CCDC171: variants seen among roughly 807,000 people sequenced by gnomAD.
CCDC171 encodes coiled-coil domain containing 171.
CCDC171 carries 177 observed loss-of-function variants against 168.2 expected under a neutral mutation model. The observed-to-expected ratio is 1.05, with a 90% CI of 0.93 to 1.19. The LOEUF is 1.19. Ranked by LOEUF, CCDC171 falls within the 50% of genes most tolerant of loss-of-function variation. The pLI is 0.00. For synonymous variants in CCDC171, 687 were observed against 540.8 expected (o/e 1.27, Z -3.75); for missense variants, 1,991 against 1,539.0 (o/e 1.29, Z -4.91).
chr9:15,792,001 G>A (rs937720082), intron 21 of CCDC171, among the ~76,000 whole-genome samples: 10 of 152,158 alleles, frequency 6.6e-5, no homozygotes, highest in African/African-American at 2.4e-4. Flanking sequence ...TGAGAGAGAA[G>A]GCTTCAGATG....
chr9:15,941,882 C>A (rs558260601), intron 25 of CCDC171, among the ~76,000 whole-genome samples: 1 of 152,016 alleles, frequency 6.6e-6, no homozygotes, highest in South Asian at 2.1e-4. Context: ...TTTTTACTTA[C>A]ATTCAGTTTT....
At chr9:15,623,666 C>G (rs973814346) in intron 7 of CCDC171, among the ~76,000 whole-genome samples, 3 of 152,042 alleles carry the variant, frequency 2.0e-5, no homozygotes, top group South Asian at 2.1e-4. Context: ...AATCTGTTCA[C>G]TTTTGAACAA....
Position 16,026,170 on chromosome 9 carries a change from G to T in CCDC171, n.998+3262G>T, listed in dbSNP as rs535805357. On this transcript the variant is annotated intron_variant and non_coding_transcript_variant, in intron 6 of 9. Transcript: ENST00000486641. ...GTAACCCATCTCACCCCTCACAGAG[G>T]AACCTAAAGGTTGTGGAGTCCTCTG... Among the ~76,000 whole-genome samples the T allele has an allele frequency of 3.9e-5, 6 of 152,190 alleles. No homozygotes were observed. The East Asian group carries it at 1.2e-3, about 30-fold the overall frequency.
In CCDC171 at chr9:15,777,774, A is replaced by T. The variant is rs1031013302; in HGVS notation, c.2846A>T (p.Lys949Ile). 1 of 1,613,782 alleles carries T rather than the reference A, an allele frequency of 6.2e-7. No homozygotes were observed. Among genetic ancestry groups the T allele is most frequent in the Non-Finnish European group, 8.5e-7 (1 of 1,179,948 alleles). The change falls in exon 19 of 26, where the codon AAA becomes ATA. Residue 949 changes from lysine to isoleucine, a missense_variant. Transcript: ENST00000380701. ...LVQRLAHGLHKVNTLALKYGL... is the reference protein window; with the variant it reads ...LVQRLAHGLHIVNTLALKYGL... ...CAGAGGCTGGCCCATGGACTTCATA[A>T]AGTAAACACACTGGCCCTGAAATAT...
chr9:15,768,005 C>T (rs1223042127), intron 18 of CCDC171, among the ~76,000 whole-genome samples: 3 of 150,114 alleles, frequency 2.0e-5, no homozygotes, highest in Non-Finnish European at 3.0e-5. Context: ...AATGTGCTAG[C>T]ATTCTAGGGG....
chr9:15,824,543 C>G (rs7865141), intron 21 of CCDC171, among the ~76,000 whole-genome samples: 141,142 of 152,030 alleles, frequency 0.93, 65,647 homozygotes, highest in East Asian at 0.98. Flanking sequence ...ACATGATCTC[C>G]TGGTCTGAAT....
intron 4 of CCDC171, among the ~76,000 whole-genome samples, chr9:15,590,771 C>CTCTTTCTTTCTTTCTCTTTCTTTCTT (rs1554693023): frequency 1.6e-4 from 20 of 122,612 alleles, no homozygotes; most frequent in East Asian, 1.1e-3. Flanking sequence ...TTCTTTCTTT[C>CTCTTTCTTTCTTTCTCTTTCTTTCTT]TCTTTCTTTC....
At chr9:15,721,074 AC>A (rs1379481909) in intron 11 of CCDC171, among the ~76,000 whole-genome samples, 5 of 152,222 alleles carry the variant, frequency 3.3e-5, no homozygotes, top group African/African-American at 9.6e-5. Flanking sequence ...TTATGGCCCA[AC>A]TAAATTAAAG....
At chr9:15,958,974 A>G (rs1379810934) in intron 25 of CCDC171, among the ~76,000 whole-genome samples, 1 of 152,160 alleles carries the variant, frequency 6.6e-6, no homozygotes, top group Non-Finnish European at 1.5e-5. Context: ...TGCAGTGTTC[A>G]TGTGCCCTGT....
chr9:15,578,829 T>A lies in CCDC171; in HGVS notation c.178-20T>A, dbSNP rs780569223. The A allele has an allele frequency of 2.5e-6, 4 of 1,601,964 alleles. No homozygotes were observed. In the South Asian group the frequency reaches 4.5e-5, roughly 18 times the overall value. Reference sequence around the variant, plus strand: ...CTCATAATCTTTGGACACATGTTGATATCAGGAATCTGTTTTTAGCTGGCA... The same window carrying A: ...CTCATAATCTTTGGACACATGTTGAAATCAGGAATCTGTTTTTAGCTGGCA... On this transcript the variant is annotated intron_variant, in intron 3 of 25. Coordinates refer to ENST00000380701, the MANE Select transcript of CCDC171 (RefSeq NM_173550.4).
chr9:15,581,170 T>C (rs1046068253), intron 4 of CCDC171, among the ~76,000 whole-genome samples: 1 of 152,082 alleles, frequency 6.6e-6, no homozygotes, highest in African/African-American at 2.4e-5. Context: ...ATGAGTGAAC[T>C]CCCATTCACA....
chr9:15,713,655 G>T (rs1370543153), intron 11 of CCDC171, among the ~76,000 whole-genome samples: 2 of 152,056 alleles, frequency 1.3e-5, no homozygotes, highest in Non-Finnish European at 2.9e-5. Context: ...ATAGTTATCT[G>T]TAGTGGATGA....
chr9:15,882,277 A>C (rs1818750440), intron 24 of CCDC171, among the ~76,000 whole-genome samples: 1 of 152,010 alleles, frequency 6.6e-6, no homozygotes, highest in South Asian at 2.1e-4. Context: ...TGCCACTTTT[A>C]AATTAAATTA....
chr9:15,593,186 G>A (rs554925268), intron 5 of CCDC171, among the ~76,000 whole-genome samples: 90 of 152,146 alleles, frequency 5.9e-4, no homozygotes, highest in African/African-American at 2.0e-3. Context: ...TAAGTTAGGA[G>A]GGTAGTATTT....
chr9:15,719,024 T>C lies in CCDC171; in HGVS notation c.1319-2745T>C, dbSNP rs183499610. On this transcript the variant is annotated intron_variant, in intron 11 of 25. Coordinates refer to ENST00000380701, the MANE Select transcript of CCDC171 (RefSeq NM_173550.4). ...AACCAACCCTGGAGATACAGAGATATATGACCTTTCAGATAGAGAATTCAA... is the reference window on the plus strand; with the variant it reads ...AACCAACCCTGGAGATACAGAGATACATGACCTTTCAGATAGAGAATTCAA... 1.3e-3 allele frequency among the ~76,000 whole-genome samples: 199 copies of C among 152,184 alleles called. 2 individuals carry two copies. Among genetic ancestry groups the C allele is most frequent in the Admixed American group, 4.3e-3 (66 of 15,288 alleles).
chr9:15,620,439 C>G (rs1338435732), intron 6 of CCDC171, among the ~76,000 whole-genome samples: 2 of 152,060 alleles, frequency 1.3e-5, no homozygotes, highest in Non-Finnish European at 2.9e-5. Flanking sequence ...GAATAAGTTA[C>G]TGTAGGTTAG....
chr9:15,779,082 A>G lies in CCDC171; in HGVS notation c.3013A>G (p.Asn1005Asp), dbSNP rs759498541. ...LEVTEFKRSV[N>D]EMKKELDKAQ... The stretch of plus-strand genomic sequence containing the variant: ...GGTCACAGAATTCAAACGAAGTGTG[A>G]ATGAAATGAAAAAGGAGCTTGACAA... The change falls in exon 20 of 26, where the codon AAT (asparagine) becomes GAT (aspartate). Residue 1005 changes from asparagine (N) to aspartate (D), a missense_variant. Physicochemically the swap from Asn to Asp is conservative, Grantham distance 23. Coordinates refer to ENST00000380701, the MANE Select transcript of CCDC171 (RefSeq NM_173550.4). The G allele has an allele frequency of 6.9e-6, 11 of 1,604,186 alleles. No homozygotes were observed. In the African/African-American group the frequency reaches 1.5e-4, roughly 21 times the overall value.
At chr9:15,574,069 G>A (rs775758319) in intron 3 of CCDC171, among the ~76,000 whole-genome samples, 17 of 151,994 alleles carry the variant, frequency 1.1e-4, no homozygotes, top group Admixed American at 5.2e-4. Context: ...TCTTAAAACA[G>A]GAAATTATAA....
chr9:15,697,865 A>G (rs1401172691), intron 11 of CCDC171, among the ~76,000 whole-genome samples: 1 of 152,126 alleles, frequency 6.6e-6, no homozygotes, highest in Non-Finnish European at 1.5e-5. Flanking sequence ...TAAAAAATGG[A>G]TACAGAATAA....
Sources: gnomAD v4.1 joint callset for allele counts (sites outside exome capture counted in the v4.1 genomes callset) on GRCh38, gnomAD v4.1.1 for gene constraint, MANE v1.5 for transcripts, NCBI Gene and HGNC (gene_info 2026-07-23, HGNC 2026-07-21) for gene names.